COL22A1: variants seen among roughly 807,000 people sequenced by gnomAD.
The protein encoded by COL22A1 is collagen type XXII alpha 1 chain.
In COL22A1, 221 loss-of-function variants were observed where a neutral mutation model predicts 248.9. That is an observed-to-expected ratio of 0.89 (90% CI 0.80 to 0.99). COL22A1 has a LOEUF of 0.99. Among genes scored for constraint, COL22A1 ranks in the 50% least tolerant of loss-of-function variants. COL22A1 has a pLI of 0.00. For synonymous variants in COL22A1, 891 were observed against 793.4 expected, an observed-to-expected ratio of 1.12 and a Z score of -2.07; for missense variants, 2,240 against 2,179.0, an observed-to-expected ratio of 1.03 and a Z score of -0.56.
chr8:138,762,015 C>T (rs1424521048), intron 17 of COL22A1, among the ~76,000 whole-genome samples: 1 of 152,234 alleles, frequency 6.6e-6, no homozygotes, highest in African/African-American at 2.4e-5. Flanking sequence ...CCTCATAGCA[C>T]TCTCTGTGTC....
intron 41 of COL22A1, 118 bp from the exon 42 acceptor site, chr8:138,663,858 C>T (rs544699358): frequency 7.8e-6 from 6 of 767,924 alleles, no homozygotes; most frequent in South Asian, 6.0e-5. Context: ...CACTAACTTC[C>T]TCCCACCTTG....
rs1216927374 is a variant in COL22A1, at chr8:138,623,850, C to A, written c.3718-65G>T. 2.1e-6 allele frequency: 3 copies of A among 1,439,760 alleles called. No homozygotes were observed. The East Asian group carries it at 7.0e-5, about 34-fold the overall frequency. 89.2% of individuals were successfully genotyped at this position (1,439,760 alleles called of 1,614,324 possible). A position where few individuals can be genotyped will look rare whatever the true frequency, so the allele number is the denominator to read the frequency against. ...ATTCGAGGGGATGGAAAGACGAAGG[C>A]AGTTTCAGCATGTCTTCCTGCCCAG... On this transcript the variant is annotated intron_variant, in intron 51 of 64. Transcript: ENST00000303045.
At chr8:138,871,063 C>T (rs1823301340) in intron 3 of COL22A1, among the ~76,000 whole-genome samples, 1 of 151,994 alleles carries the variant, frequency 6.6e-6, no homozygotes, top group Admixed American at 6.6e-5. Context: ...ATGCCACCAG[C>T]AGGGCCATGC....
intron 50 of COL22A1, among the ~76,000 whole-genome samples, chr8:138,627,085 G>A (rs185275588): frequency 3.9e-4 from 59 of 152,162 alleles, no homozygotes; most frequent in Admixed American, 3.4e-3. Flanking sequence ...TAGGCAATGC[G>A]CAATAATAAC....
intron 45 of COL22A1, among the ~76,000 whole-genome samples, chr8:138,651,726 CGGAT>C (rs572564977): frequency 6.6e-6 from 1 of 151,886 alleles, no homozygotes; most frequent in South Asian, 2.1e-4. Flanking sequence ...GATGGATGCA[CGGAT>C]GGATGGATGG....
chr8:138,778,349 T>G lies in COL22A1; in HGVS notation c.1758+4A>C. On this transcript the variant is annotated splice_donor_region_variant and intron_variant, in intron 15 of 64. Transcript: ENST00000303045. The stretch of plus-strand genomic sequence containing the variant: ...CCCCTGCCCAGACAAGTGCCTTCAC[T>G]TACAGGAGCTCCGACACGTCCAGGA... The G allele has an allele frequency of 6.2e-7, 1 of 1,613,966 alleles. No homozygotes were observed. Among genetic ancestry groups the G allele is most frequent in the Non-Finnish European group, 8.5e-7 (1 of 1,179,942 alleles).
chr8:138,781,037 G>T, intron 12 of COL22A1, 57 bp from the exon 13 acceptor site: 1 of 1,263,570 alleles, frequency 7.9e-7, no homozygotes, highest in Non-Finnish European at 1.1e-6. Flanking sequence ...CAGGCTCTCA[G>T]AATGCTAGTG....
intron 12 of COL22A1, among the ~76,000 whole-genome samples, chr8:138,792,885 T>G (rs976017903): frequency 2.0e-5 from 3 of 152,196 alleles, no homozygotes; most frequent in African/African-American, 7.2e-5. Context: ...CAATCAGTGA[T>G]TGTGTTTCCT....
chr8:138,733,916 C>T (rs1453911940), intron 23 of COL22A1, among the ~76,000 whole-genome samples: 1 of 152,142 alleles, frequency 6.6e-6, no homozygotes, highest in African/African-American at 2.4e-5. Flanking sequence ...TGGTGTGGGA[C>T]AGGACACTAC....
At chr8:138,639,685 T>C (rs1487388078) in intron 47 of COL22A1, among the ~76,000 whole-genome samples, 1 of 152,198 alleles carries the variant, frequency 6.6e-6, no homozygotes, top group Admixed American at 6.6e-5. Context: ...TGCAAATACT[T>C]TTAAAAGCTA....
Position 138,720,762 on chromosome 8 carries a change from G to A in COL22A1, c.2332C>T (p.Leu778=). 1 of 1,613,934 alleles carries A rather than the reference G, an allele frequency of 6.2e-7. No homozygotes were observed. Among genetic ancestry groups the A allele is most frequent in the Middle Eastern group, 1.6e-4 (1 of 6,062 alleles). The change falls in exon 27 of 65, where the codon CTG becomes TTG. Residue 778 remains leucine, a synonymous_variant. Transcript: ENST00000303045. ...ACCCGAAGGCCTGGTTTTCCAGGCA[G>A]ACCATCTTCCCCTCTTTCTCCTGGT... is the stretch of plus-strand genomic sequence containing the variant. ...GEPGERGEDG[L]PGKPGLRGEI...
intron 44 of COL22A1, among the ~76,000 whole-genome samples, chr8:138,656,811 C>T (rs896455051): frequency 6.6e-6 from 1 of 152,172 alleles, no homozygotes; most frequent in Admixed American, 6.5e-5. Context: ...GTAGACTTAA[C>T]AACTAAATGC....
At chr8:138,896,397 A>G (rs1198284154) in intron 1 of COL22A1, among the ~76,000 whole-genome samples, 1 of 152,220 alleles carries the variant, frequency 6.6e-6, no homozygotes, top group Non-Finnish European at 1.5e-5. Flanking sequence ...CACTAAACTC[A>G]AAGTGGTAAA....
chr8:138,753,629 C>CT (rs1394570697), intron 21 of COL22A1, among the ~76,000 whole-genome samples: 3 of 152,194 alleles, frequency 2.0e-5, no homozygotes, highest in Admixed American at 6.5e-5. Context: ...GCAGTTATTT[C>CT]TTTTTTCACA....
chr8:138,750,972 G>T (rs1832543286), intron 22 of COL22A1, among the ~76,000 whole-genome samples: 1 of 150,198 alleles, frequency 6.7e-6, no homozygotes, highest in African/African-American at 2.5e-5. Context: ...TACCCTTATG[G>T]TGTGCACAAT....
chr8:138,700,938 TCAC>T (rs1220770254), intron 31 of COL22A1, among the ~76,000 whole-genome samples: 1 of 124,812 alleles, frequency 8.0e-6, no homozygotes, highest in African/African-American at 3.1e-5. Context: ...TGAGCCCAGA[TCAC>T]GCCACTGCAC....
intron 3 of COL22A1, among the ~76,000 whole-genome samples, chr8:138,852,709 G>A (rs904701390): frequency 6.6e-6 from 1 of 152,180 alleles, no homozygotes; most frequent in African/African-American, 2.4e-5. Flanking sequence ...GGGATGAGGA[G>A]TGGCCGGCAA....
chr8:138,774,850 A>T (rs189642150), intron 16 of COL22A1, among the ~76,000 whole-genome samples: 1 of 152,174 alleles, frequency 6.6e-6, no homozygotes, highest in East Asian at 1.9e-4. Flanking sequence ...TAAAAACTCT[A>T]CAGCAGCACG....
intron 22 of COL22A1, among the ~76,000 whole-genome samples, chr8:138,741,165 A>G (rs1831529144): frequency 6.6e-6 from 1 of 152,114 alleles, no homozygotes; most frequent in African/African-American, 2.4e-5. Flanking sequence ...TCTGTCTGTA[A>G]TCCTCCCTTC....
Sources: gnomAD v4.1 joint callset for allele counts (sites outside exome capture counted in the v4.1 genomes callset) on GRCh38, gnomAD v4.1.1 for gene constraint, MANE v1.5 for transcripts, NCBI Gene and HGNC (gene_info 2026-07-23, HGNC 2026-07-21) for gene names.